Variants in PPP3CC observed in about 807,000 individuals in gnomAD.
The protein encoded by PPP3CC is serine/threonine-protein phosphatase 2B catalytic subunit gamma isoform.
A neutral mutation model predicts 60.3 loss-of-function variants in PPP3CC; 35 were observed. That is an observed-to-expected ratio of 0.58 (90% confidence interval 0.44 to 0.77). PPP3CC has a LOEUF of 0.77. PPP3CC is among the 30% of genes least tolerant of loss of function. PPP3CC has a pLI of 0.00. For missense variants in PPP3CC, 570 were observed against 628.9 expected (o/e 0.91, Z 1.00); for synonymous variants, 206 against 224.3 (o/e 0.92, Z 0.73).
At position 22,503,679 on chromosome 8, in the gene PPP3CC, C is replaced by T. The variant is rs149539230; in HGVS notation, c.484+5567C>T. Among the ~76,000 whole-genome samples the T allele has an allele frequency of 2.6e-5, 4 of 152,186 alleles. No homozygotes were observed. The East Asian group carries it at 7.7e-4, about 29-fold the overall frequency. ...AAGATGGAACAATAGGTCCTGGAAA[C>T]ATTTTAAGTATCTCCTTTTGCCCAG... On this transcript the variant is annotated intron_variant, in intron 4 of 13. Coordinates refer to ENST00000240139, the MANE Select transcript of PPP3CC (RefSeq NM_005605.5).
In PPP3CC at chr8:22,533,015, A is replaced by T. The variant is rs1393645611; in HGVS notation, c.1318A>T (p.Thr440Ser). 1.3e-6 allele frequency: 2 copies of T among 1,597,164 alleles called. No individual in the cohort carries two copies. Among genetic ancestry groups the T allele is most frequent in the East Asian group, 4.6e-5 (2 of 43,626 alleles). ...VLSGGKQTIE[T>S]ATVEAVEARE... ...CTCAGGAGGCAAGCAGACTATCGAGACAGGTGAGTATGAGAGTGCTCCTCC... is the reference window on the plus strand; with the variant it reads ...CTCAGGAGGCAAGCAGACTATCGAGTCAGGTGAGTATGAGAGTGCTCCTCC... The change falls in exon 12 of 14, where the codon ACA (threonine) becomes TCA (serine). Residue 440 changes from threonine (T) to serine (S), a missense_variant. Thr to Ser is a moderately conservative substitution (Grantham distance 58, BLOSUM62 1). Coordinates refer to ENST00000240139, the MANE Select transcript of PPP3CC (RefSeq NM_005605.5).
chr8:22,515,913 CTTTATTTTATTTTAT>C (rs71206525), intron 6 of PPP3CC, among the ~76,000 whole-genome samples: 438 of 144,664 alleles, frequency 3.0e-3, no homozygotes, highest in Middle Eastern at 0.01. Context: ...CTTTCTTCTT[CTTTATTTTATTTTAT>C]TTTATTTTAT....
intron 3 of PPP3CC, among the ~76,000 whole-genome samples, chr8:22,480,172 T>G (rs1415552955): frequency 1.3e-5 from 2 of 152,182 alleles, no homozygotes; most frequent in Non-Finnish European, 2.9e-5. Flanking sequence ...AAAAATCTGA[T>G]GAAAGTTTAC....
intron 8 of PPP3CC, among the ~76,000 whole-genome samples, chr8:22,525,157 T>G (rs1487786636): frequency 6.8e-6 from 1 of 147,424 alleles, no homozygotes; most frequent in Non-Finnish European, 1.5e-5. Flanking sequence ...CTCTAAAAAA[T>G]AAAAAAAAAA....
chr8:22,530,829 C>CAAAAAAAAAAAAAAAAAA (rs58626647), intron 10 of PPP3CC, among the ~76,000 whole-genome samples: 1 of 58,048 alleles, frequency 1.7e-5, no homozygotes, highest in Non-Finnish European at 3.4e-5. Context: ...AGACTCATCT[C>CAAAAAAAAAAAAAAAAAA]AAAAAAAAAA....
At chr8:22,491,119 C>G (rs1201536330) in intron 3 of PPP3CC, among the ~76,000 whole-genome samples, 1 of 152,156 alleles carries the variant, frequency 6.6e-6, no homozygotes, top group South Asian at 2.1e-4. Context: ...CAGTTTCTTT[C>G]TAACATGAAC....
At chr8:22,507,068 A>T (rs1166819845) in intron 4 of PPP3CC, among the ~76,000 whole-genome samples, 1 of 152,140 alleles carries the variant, frequency 6.6e-6, no homozygotes, top group East Asian at 1.9e-4. Flanking sequence ...GCAGTAAGCT[A>T]TGATAATGCC....
chr8:22,447,562 C>A (rs558837983), intron 1 of PPP3CC, among the ~76,000 whole-genome samples: 1 of 152,218 alleles, frequency 6.6e-6, no homozygotes, highest in Non-Finnish European at 1.5e-5. Context: ...AAGCGATCCT[C>A]TTGCCTTTGT....
At chr8:22,441,705 A>G (rs1178879329) in intron 1 of PPP3CC, among the ~76,000 whole-genome samples, 1 of 151,658 alleles carries the variant, frequency 6.6e-6, no homozygotes, top group Non-Finnish European at 1.5e-5. Flanking sequence ...TGCAGTGGGG[A>G]CTTCTTCTCC....
chr8:22,482,378 G>T (rs1457981856), intron 3 of PPP3CC, among the ~76,000 whole-genome samples: 1 of 152,092 alleles, frequency 6.6e-6, no homozygotes, highest in Non-Finnish European at 1.5e-5. Context: ...TTTTGATGGG[G>T]TTGTTTGTTT....
rs1049599220 is a variant in PPP3CC, at chr8:22,477,182, T to C, written c.372+1558T>C. ...CATGTTTCAGTAGACATAAGTCAAA[T>C]GTATGGATGTGGGGCTGCGCGCAAT... On this transcript the variant is annotated intron_variant, in intron 3 of 13. Coordinates refer to ENST00000240139, the MANE Select transcript of PPP3CC (RefSeq NM_005605.5). Among the ~76,000 whole-genome samples the C allele has an allele frequency of 3.3e-5, 5 of 152,116 alleles. No individual in the cohort carries two copies. In the East Asian group the frequency reaches 7.8e-4, roughly 24 times the overall value.
chr8:22,462,821 G>T lies in PPP3CC; in HGVS notation c.50-12133G>T, dbSNP rs150447811. On this transcript the variant is annotated intron_variant, in intron 1 of 13. Transcript: ENST00000240139. ...TCTTTTTCTTAGATGATAATTTGTT[G>T]AATCAGCTGGTGTGACAGTGGCTGC... Among the ~76,000 whole-genome samples the T allele has an allele frequency of 6.6e-5, 10 of 152,234 alleles. No homozygotes were observed. The East Asian group carries it at 1.9e-3, about 29-fold the overall frequency.
At chr8:22,454,914 G>A (rs12334963) in intron 1 of PPP3CC, among the ~76,000 whole-genome samples, 9,245 of 151,954 alleles carry the variant, frequency 0.061, 342 homozygotes, top group South Asian at 0.15. Context: ...AAATTAGCCG[G>A]GCGCGGTGGT....
chr8:22,518,737 A>G (rs1293731983), intron 6 of PPP3CC, among the ~76,000 whole-genome samples: 1 of 152,076 alleles, frequency 6.6e-6, no homozygotes, highest in East Asian at 1.9e-4. Flanking sequence ...CCCAGGCTGG[A>G]GTATAGTGGC....
chr8:22,522,440 A>G, intron 6 of PPP3CC, 51 bp from the exon 7 acceptor site: 1 of 1,409,686 alleles, frequency 7.1e-7, no homozygotes, highest in South Asian at 1.3e-5. Flanking sequence ...TCTTCCTATT[A>G]AAAAAAATTG....
intron 8 of PPP3CC, among the ~76,000 whole-genome samples, chr8:22,525,871 AT>A (rs578168156): frequency 3.4e-4 from 48 of 141,504 alleles, no homozygotes; most frequent in East Asian, 1.9e-3. Context: ...CTTTCATATT[AT>A]TTTTTTTTTT....
At chr8:22,441,810 C>G (rs548054733) in intron 1 of PPP3CC, among the ~76,000 whole-genome samples, 40 of 152,314 alleles carry the variant, frequency 2.6e-4, no homozygotes, top group African/African-American at 9.1e-4. Context: ...GGAGTCGACT[C>G]TTCCAAGTAA....
chr8:22,467,672 C>G (rs1837586238), intron 1 of PPP3CC, among the ~76,000 whole-genome samples: 1 of 152,160 alleles, frequency 6.6e-6, no homozygotes, highest in Non-Finnish European at 1.5e-5. Flanking sequence ...TATGATCCAC[C>G]TGCCTCCGCC....
chr8:22,448,361 C>T (rs1015207207), intron 1 of PPP3CC, among the ~76,000 whole-genome samples: 9 of 150,016 alleles, frequency 6.0e-5, no homozygotes, highest in Non-Finnish European at 1.2e-4. Flanking sequence ...ATATATTAGA[C>T]GGTATTATAC....
Sources: gnomAD v4.1 joint callset for allele counts (sites outside exome capture counted in the v4.1 genomes callset) on GRCh38, gnomAD v4.1.1 for gene constraint, MANE v1.5 for transcripts, NCBI Gene and HGNC (gene_info 2026-07-23, HGNC 2026-07-21) for gene names.